Variants in EPHA6 observed in about 807,000 individuals in gnomAD.
The protein encoded by EPHA6 is ephrin type-A receptor 6.
A neutral mutation model predicts 112.0 loss-of-function variants in EPHA6; 50 were observed. The observed-to-expected ratio is 0.45, with a 90% confidence interval of 0.36 to 0.56. EPHA6 has a LOEUF of 0.56. EPHA6 is among the 20% of genes least tolerant of loss of function. The pLI is 0.00. For synonymous variants in EPHA6, 529 were observed against 490.7 expected, an observed-to-expected ratio of 1.08 and a Z score of -1.03; for missense variants, 1,280 against 1,417.4, an observed-to-expected ratio of 0.90 and a Z score of 1.56.
At chr3:97,539,707 G>A (rs1221755572) in intron 11 of EPHA6, among the ~76,000 whole-genome samples, 1 of 152,156 alleles carries the variant, frequency 6.6e-6, no homozygotes, top group Non-Finnish European at 1.5e-5. Flanking sequence ...GGGTACAAAA[G>A]TAAATAACTG....
intron 9 of EPHA6, chr3:97,481,568 G>T (rs954118786): frequency 1.3e-5 from 8 of 620,788 alleles, no homozygotes; most frequent in African/African-American, 1.9e-5. Flanking sequence ...CGGCGCGTCC[G>T]GCGCTGGGGG....
At chr3:97,174,601 G>A (rs1214717103) in intron 3 of EPHA6, among the ~76,000 whole-genome samples, 2 of 151,878 alleles carry the variant, frequency 1.3e-5, no homozygotes, top group Non-Finnish European at 2.9e-5. Flanking sequence ...TAACTGAGGT[G>A]AGATGATATC....
chr3:97,154,180 A>T lies in EPHA6; in HGVS notation c.1115-72084A>T, dbSNP rs552112005. Among the ~76,000 whole-genome samples, 149 of 140,206 alleles carry T rather than the reference A, an allele frequency of 1.1e-3. 3 individuals are homozygous for T. The highest frequency in any genetic ancestry group is 7.6e-3 in the East Asian group (39 of 5,156). The allele number at this position is 140,206 out of a possible 152,430, so 92.0% of individuals were successfully genotyped here. On this transcript the variant is annotated intron_variant, in intron 3 of 17. Transcript: ENST00000389672. ...AACACTGTCTCAAAAAAAAAAAAAA[A>T]ATATCAGTCTTTGATGGAAACTATT...
intron 3 of EPHA6, among the ~76,000 whole-genome samples, chr3:97,122,682 T>C (rs529145082): frequency 6.6e-6 from 1 of 152,144 alleles, no homozygotes; most frequent in Non-Finnish European, 1.5e-5. Flanking sequence ...ATCATCCAGA[T>C]AGAGAATGTG....
intron 3 of EPHA6, among the ~76,000 whole-genome samples, chr3:97,026,093 T>G (rs2107997890): frequency 6.6e-6 from 1 of 151,992 alleles, no homozygotes; most frequent in South Asian, 2.1e-4. Context: ...ATGGGTTCTC[T>G]ATTCTGTCCC....
chr3:97,339,966 C>A (rs1244490783), intron 5 of EPHA6, among the ~76,000 whole-genome samples: 1 of 152,188 alleles, frequency 6.6e-6, no homozygotes, highest in Non-Finnish European at 1.5e-5. Flanking sequence ...AAAAAAAAGT[C>A]ACAAGCTGGG....
chr3:97,447,912 T>G, intron 6 of EPHA6: 2 of 367,332 alleles, frequency 5.4e-6, no homozygotes, highest in Non-Finnish European at 7.8e-6. Context: ...ACAGTCACTA[T>G]GTAACTAGTA....
At chr3:97,452,685 T>C (rs2090565991) in intron 7 of EPHA6, among the ~76,000 whole-genome samples, 1 of 151,612 alleles carries the variant, frequency 6.6e-6, no homozygotes, top group Non-Finnish European at 1.5e-5. Flanking sequence ...TAGTTGGAAA[T>C]TAGGTGTTAG....
At chr3:97,048,806 C>T (rs2045592964) in intron 3 of EPHA6, among the ~76,000 whole-genome samples, 1 of 151,806 alleles carries the variant, frequency 6.6e-6, no homozygotes, top group African/African-American at 2.4e-5. Context: ...TTAACAAAAC[C>T]CACAAATACA....
chr3:97,492,481 G>A (rs777736532), intron 10 of EPHA6, among the ~76,000 whole-genome samples: 1 of 138,882 alleles, frequency 7.2e-6, no homozygotes, highest in East Asian at 2.4e-4. Flanking sequence ...GGCGGAGATT[G>A]TAGTGAACCG....
At chr3:97,342,630 A>T (rs2083364479) in intron 5 of EPHA6, among the ~76,000 whole-genome samples, 1 of 152,112 alleles carries the variant, frequency 6.6e-6, no homozygotes, top group East Asian at 1.9e-4. Context: ...AGCATTTAGG[A>T]GGTAATTACG....
chr3:97,617,556 C>A (rs1438305497), intron 13 of EPHA6, among the ~76,000 whole-genome samples: 1 of 152,076 alleles, frequency 6.6e-6, no homozygotes, highest in Non-Finnish European at 1.5e-5. Flanking sequence ...TGCAGTAACA[C>A]AGGTAGGCTC....
intron 2 of EPHA6, among the ~76,000 whole-genome samples, chr3:96,902,193 G>A (rs2038650758): frequency 6.6e-6 from 1 of 152,132 alleles, no homozygotes; most frequent in African/African-American, 2.4e-5. Flanking sequence ...TGAAGAGCAG[G>A]TATACTTGTT....
chr3:97,108,216 G>A (rs977119594), intron 3 of EPHA6, among the ~76,000 whole-genome samples: 8 of 152,042 alleles, frequency 5.3e-5, no homozygotes, highest in African/African-American at 1.9e-4. Context: ...GAAAGTCAGT[G>A]GAAAGCTCAG....
At chr3:97,209,885 C>A (rs987950713) in intron 3 of EPHA6, among the ~76,000 whole-genome samples, 1 of 152,054 alleles carries the variant, frequency 6.6e-6, no homozygotes, top group Non-Finnish European at 1.5e-5. Flanking sequence ...GAATTGAATA[C>A]GATTCAATTC....
chr3:96,926,785 G>A (rs1037091542), intron 2 of EPHA6, among the ~76,000 whole-genome samples: 4 of 152,192 alleles, frequency 2.6e-5, no homozygotes, highest in African/African-American at 7.2e-5. Context: ...GCTTTGCAGG[G>A]TACAGCCCCC....
At chr3:97,282,169 T>C (rs1002232144) in intron 5 of EPHA6, among the ~76,000 whole-genome samples, 1 of 152,144 alleles carries the variant, frequency 6.6e-6, no homozygotes. Flanking sequence ...CTTTTTACAA[T>C]AGGAAAGACT....
At chr3:96,995,727 CAA>C (rs2043396024) in intron 3 of EPHA6, among the ~76,000 whole-genome samples, 1 of 152,108 alleles carries the variant, frequency 6.6e-6, no homozygotes, top group Non-Finnish European at 1.5e-5. Flanking sequence ...TATCTAAAAA[CAA>C]TGTACATGCT....
At position 97,210,140 on chromosome 3, in the gene EPHA6, C is replaced by T. The variant is rs146785180; in HGVS notation, c.1115-16124C>T. ...GTTATAGTATTTATAATCTGAATAT[C>T]CTTATTATATTAGTTCGTTCTTACA... On this transcript the variant is annotated intron_variant, in intron 3 of 17. Transcript: ENST00000389672. Among the ~76,000 whole-genome samples the T allele has an allele frequency of 4.4e-3, 669 of 152,068 alleles. 1 individual carries two copies. Among genetic ancestry groups the T allele is most frequent in the African/African-American group, 0.015 (622 of 41,494 alleles).
Sources: allele counts gnomAD v4.1 joint callset (sites outside exome capture counted in the v4.1 genomes callset), GRCh38; gene constraint gnomAD v4.1.1; transcripts MANE v1.5; gene names NCBI Gene and HGNC (gene_info 2026-07-23, HGNC 2026-07-21).